Variants in KCNIP4 observed in about 807,000 individuals in gnomAD.
KCNIP4 encodes Kv channel-interacting protein 4.
KCNIP4 carries 12 observed loss-of-function variants against 34.0 expected under a neutral mutation model. That is an observed-to-expected ratio of 0.35 (90% confidence interval 0.23 to 0.57). KCNIP4 has a LOEUF of 0.57. Among genes scored for constraint, KCNIP4 ranks in the 20% least tolerant of loss-of-function variants. The pLI, the probability that KCNIP4 is intolerant of heterozygous loss-of-function variation, is 0.83. For missense variants in KCNIP4, 238 were observed against 311.7 expected (o/e 0.76, Z 1.78); for synonymous variants, 124 against 102.2 (o/e 1.21, Z -1.29).
intron 1 of KCNIP4, among the ~76,000 whole-genome samples, chr4:21,611,667 G>C (rs1744169662): frequency 1.3e-5 from 2 of 151,610 alleles, no homozygotes; most frequent in Admixed American, 1.3e-4. Context: ...TTTTGTTTTT[G>C]TTTTTTTCCT....
At chr4:20,989,613 G>A (rs745944530) in intron 1 of KCNIP4, among the ~76,000 whole-genome samples, 9 of 152,122 alleles carry the variant, frequency 5.9e-5, no homozygotes, top group Non-Finnish European at 1.3e-4. Flanking sequence ...CCTAATCTAG[G>A]TCATTGAAAA....
chr4:20,884,971 G>T (rs1011272436), intron 1 of KCNIP4, among the ~76,000 whole-genome samples: 1 of 152,016 alleles, frequency 6.6e-6, no homozygotes, highest in Non-Finnish European at 1.5e-5. Flanking sequence ...AAAGTGCCAG[G>T]ATTACAGACG....
chr4:21,685,585 T>A (rs1750746677), intron 1 of KCNIP4, among the ~76,000 whole-genome samples: 1 of 152,198 alleles, frequency 6.6e-6, no homozygotes, highest in African/African-American at 2.4e-5. Context: ...ACCAATTAGC[T>A]GTTATGACCT....
At position 20,830,099 on chromosome 4, in the gene KCNIP4, G is replaced by T. The variant is rs570993380; in HGVS notation, c.288+20444C>A. On this transcript the variant is annotated intron_variant, in intron 3 of 8. Coordinates refer to ENST00000382152, the MANE Select transcript of KCNIP4 (RefSeq NM_025221.6). ...CTGAATGCTTTAGTCAAAAAGGTCA[G>T]AGTCATCTCTGAATAGGAACTGAGA... Among the ~76,000 whole-genome samples the T allele has an allele frequency of 3.3e-5, 5 of 152,234 alleles. 1 individual carries two copies. Among genetic ancestry groups the T allele is most frequent in the African/African-American group, 1.2e-4 (5 of 41,558 alleles).
chr4:21,717,736 G>A (rs1714493982), intron 1 of KCNIP4, among the ~76,000 whole-genome samples: 1 of 152,230 alleles, frequency 6.6e-6, no homozygotes, highest in African/African-American at 2.4e-5. Context: ...TTCCTCCTAT[G>A]TTTTCTGTTT....
chr4:21,379,228 T>A (rs1495520), intron 1 of KCNIP4, among the ~76,000 whole-genome samples: 127,984 of 152,164 alleles, frequency 0.84, 54,190 homozygotes, highest in Non-Finnish European at 0.89. Context: ...AATCTTTCAC[T>A]ATTTTGAATA....
At chr4:21,259,620 G>A (rs1253052578) in intron 1 of KCNIP4, among the ~76,000 whole-genome samples, 3 of 152,122 alleles carry the variant, frequency 2.0e-5, no homozygotes, top group Non-Finnish European at 4.4e-5. Context: ...TGCATAGCAG[G>A]CCTATTTTGA....
At chr4:21,254,919 G>T (rs935385248) in intron 1 of KCNIP4, among the ~76,000 whole-genome samples, 1 of 151,918 alleles carries the variant, frequency 6.6e-6, no homozygotes, top group Non-Finnish European at 1.5e-5. Context: ...TGTAATCATC[G>T]CAGTCACCAG....
intron 1 of KCNIP4, among the ~76,000 whole-genome samples, chr4:20,919,000 G>T (rs1035967568): frequency 2.0e-5 from 3 of 152,114 alleles, no homozygotes; most frequent in Non-Finnish European, 4.4e-5. Flanking sequence ...AGGTATAAAG[G>T]CCCAATGGTA....
chr4:20,948,725 A>G (rs1253314730), intron 1 of KCNIP4, among the ~76,000 whole-genome samples: 1 of 152,216 alleles, frequency 6.6e-6, no homozygotes, highest in Non-Finnish European at 1.5e-5. Flanking sequence ...CTGTTGTTCA[A>G]AAACTGTATT....
chr4:20,738,443 T>C (rs1184304474), intron 5 of KCNIP4, among the ~76,000 whole-genome samples: 1 of 152,118 alleles, frequency 6.6e-6, no homozygotes, highest in East Asian at 1.9e-4. Flanking sequence ...ATTCATTAGG[T>C]TGAAGTGGGA....
At chr4:21,774,258 T>C (rs563175404) in intron 1 of KCNIP4, among the ~76,000 whole-genome samples, 13 of 152,318 alleles carry the variant, frequency 8.5e-5, no homozygotes, top group Non-Finnish European at 1.9e-4. Flanking sequence ...ATGTTAAGTA[T>C]TGGTCCCCAA....
intron 1 of KCNIP4, among the ~76,000 whole-genome samples, chr4:21,462,279 A>G (rs1190500302): frequency 6.6e-6 from 1 of 152,174 alleles, no homozygotes; most frequent in African/African-American, 2.4e-5. Context: ...AAAAGGTTTA[A>G]TTGGACTTAC....
At chr4:21,711,341 A>G (rs1006947370) in intron 1 of KCNIP4, among the ~76,000 whole-genome samples, 3 of 152,104 alleles carry the variant, frequency 2.0e-5, no homozygotes, top group African/African-American at 4.8e-5. Flanking sequence ...GTGTGGTGAC[A>G]TGCACCTATA....
chr4:21,446,409 T>C (rs1443141514), intron 1 of KCNIP4, among the ~76,000 whole-genome samples: 1 of 151,642 alleles, frequency 6.6e-6, no homozygotes, highest in Non-Finnish European at 1.5e-5. Context: ...ATTAAGAAAA[T>C]GTGGCACATA....
intron 1 of KCNIP4, among the ~76,000 whole-genome samples, chr4:21,055,951 TATG>T (rs1743361306): frequency 6.6e-6 from 1 of 152,086 alleles, no homozygotes; most frequent in Non-Finnish European, 1.5e-5. Flanking sequence ...TTTGGGGAAT[TATG>T]ATGTGTCAGT....
At chr4:21,031,751 T>C (rs1250872229) in intron 1 of KCNIP4, among the ~76,000 whole-genome samples, 1 of 152,192 alleles carries the variant, frequency 6.6e-6, no homozygotes, top group African/African-American at 2.4e-5. Context: ...AAAGCTAACT[T>C]CATACAAATT....
At chr4:21,646,444 C>CA (rs1747029676) in intron 1 of KCNIP4, among the ~76,000 whole-genome samples, 1 of 152,166 alleles carries the variant, frequency 6.6e-6, no homozygotes, top group African/African-American at 2.4e-5. Flanking sequence ...AGAAGAAGCA[C>CA]ATAGTGTATT....
At chr4:21,891,792 C>T (rs1727110332) in intron 1 of KCNIP4, among the ~76,000 whole-genome samples, 1 of 152,096 alleles carries the variant, frequency 6.6e-6, no homozygotes, top group African/African-American at 2.4e-5. Flanking sequence ...TGAAATTCTA[C>T]AATCAGAAAG....
Sources: allele counts gnomAD v4.1 joint callset (sites outside exome capture counted in the v4.1 genomes callset), GRCh38; gene constraint gnomAD v4.1.1; transcripts MANE v1.5; gene names NCBI Gene and HGNC (gene_info 2026-07-23, HGNC 2026-07-21).